MINDY4: variants seen among roughly 807,000 people sequenced by gnomAD.
The protein encoded by MINDY4 is MINDY lysine 48 deubiquitinase 4, also known as probable ubiquitin carboxyl-terminal hydrolase MINDY-4.
In MINDY4, 68 loss-of-function variants were observed where a neutral mutation model predicts 87.0. That is an observed-to-expected ratio of 0.78 (90% CI 0.64 to 0.96). MINDY4 has a LOEUF of 0.96. Among genes scored for constraint, MINDY4 ranks in the 40% least tolerant of loss-of-function variants. The pLI is 0.00. For synonymous variants in MINDY4, 379 were observed against 363.2 expected (o/e 1.04, Z -0.50); for missense variants, 919 against 928.2 (o/e 0.99, Z 0.13).
intron 5 of MINDY4, among the ~76,000 whole-genome samples, chr7:30,811,625 C>T (rs1238351625): frequency 3.3e-5 from 5 of 152,158 alleles, no homozygotes; most frequent in Non-Finnish European, 7.3e-5. Flanking sequence ...GCAGACAGCC[C>T]AGCGCCACAC....
rs775985216 is a variant in MINDY4, at chr7:30,872,323, G to T, written c.1809+17G>T. On this transcript the variant is annotated intron_variant, in intron 14 of 17. Transcript: ENST00000265299. ...TGTACACAGGTCAGGGGGCGCTGTG[G>T]GGCCCAGGTGGTCCTTCCCCCTCCT... The T allele has an allele frequency of 1.1e-5, 18 of 1,612,916 alleles. No homozygotes were observed. The highest frequency in any genetic ancestry group is 1.5e-5 in the Non-Finnish European group (18 of 1,179,160).
chr7:30,839,959 T>G (rs1788983598), intron 8 of MINDY4, among the ~76,000 whole-genome samples: 1 of 151,980 alleles, frequency 6.6e-6, no homozygotes, highest in Non-Finnish European at 1.5e-5. Context: ...CTTGGTCCGG[T>G]TCAGTTTCTT....
rs192526568 is a variant in MINDY4, at chr7:30,831,672, G to A, written c.1132+2935G>A. Among the ~76,000 whole-genome samples, 6 of 152,188 alleles carry A rather than the reference G, an allele frequency of 3.9e-5. No individual in the cohort carries two copies. The East Asian group carries it at 7.7e-4, about 20-fold the overall frequency. ...AGGGTTCTGAGTTTCTGGTGTTGGG[G>A]CACTTCCAGAAGATATCTTGTGGTC... On this transcript the variant is annotated intron_variant, in intron 6 of 17. Coordinates refer to ENST00000265299, the MANE Select transcript of MINDY4 (RefSeq NM_032222.3).
intron 9 of MINDY4, among the ~76,000 whole-genome samples, chr7:30,841,686 T>C (rs1318112829): frequency 6.6e-6 from 1 of 152,228 alleles, no homozygotes; most frequent in Admixed American, 6.5e-5. Context: ...AGTTATACTA[T>C]GTGTGTTCTG....
intron 5 of MINDY4, among the ~76,000 whole-genome samples, chr7:30,820,271 A>G (rs1048207151): frequency 6.6e-6 from 1 of 151,634 alleles, no homozygotes; most frequent in Non-Finnish European, 1.5e-5. Flanking sequence ...TTTTGCCTTT[A>G]GTATAATTGC....
intron 3 of MINDY4, among the ~76,000 whole-genome samples, chr7:30,783,386 C>A (rs945925841): frequency 6.6e-6 from 1 of 152,140 alleles, no homozygotes; most frequent in African/African-American, 2.4e-5. Flanking sequence ...CGAATTTAAT[C>A]ACATCTGCAA....
intron 9 of MINDY4, among the ~76,000 whole-genome samples, chr7:30,846,351 G>C (rs1461434736): frequency 6.6e-6 from 1 of 152,194 alleles, no homozygotes; most frequent in Non-Finnish European, 1.5e-5. Flanking sequence ...TGAAACACTT[G>C]GGTAATTTAG....
chr7:30,869,520 T>C (rs1790039470), intron 13 of MINDY4, among the ~76,000 whole-genome samples: 1 of 152,150 alleles, frequency 6.6e-6, no homozygotes, highest in African/African-American at 2.4e-5. Context: ...AGAGGGTTGG[T>C]ACCTTGTCAG....
chr7:30,828,705 A>G lies in MINDY4; in HGVS notation c.1100A>G (p.Lys367Arg). 2 of 1,613,800 alleles carry G rather than the reference A, an allele frequency of 1.2e-6. No homozygotes were observed. The highest frequency in any genetic ancestry group is 1.1e-5 in the South Asian group (1 of 91,066). Residue 367 changes from lysine to arginine, a missense_variant, in exon 6 of 18, where the codon AAG (lysine) becomes AGG (arginine). Physicochemically the swap from Lys to Arg is conservative, Grantham distance 26. Transcript: ENST00000265299. ...VRKNQLLPSD[K>R]VDGELGALRL... ...AAAAATCAGTTGCTGCCGTCTGACA[A>G]GGTGGATGGTGAGCTGGGTGCCCTG...
chr7:30,792,284 G>A (rs1787347667), intron 5 of MINDY4, among the ~76,000 whole-genome samples: 1 of 152,140 alleles, frequency 6.6e-6, no homozygotes, highest in Non-Finnish European at 1.5e-5. Context: ...CATTGGATTT[G>A]ACTTATTAAT....
chr7:30,791,608 A>G, intron 5 of MINDY4, 34 bp downstream of exon 5: 1 of 1,559,622 alleles, frequency 6.4e-7, no homozygotes, highest in Non-Finnish European at 8.7e-7. Context: ...CGGCTTTTCA[A>G]AAAGAAGCTC....
intron 2 of MINDY4, chr7:30,781,386 A>G (rs1787004414): frequency 6.6e-6 from 1 of 152,388 alleles, no homozygotes; most frequent in Non-Finnish European, 1.5e-5. Flanking sequence ...AAATACTGGT[A>G]TCGTTTAATT....
intron 7 of MINDY4, among the ~76,000 whole-genome samples, chr7:30,837,123 G>T (rs1321328077): frequency 6.6e-6 from 1 of 152,180 alleles, no homozygotes; most frequent in Admixed American, 6.5e-5. Context: ...GGTCTCCTAA[G>T]CCCTGGCCAG....
rs139539237 is a variant in MINDY4 at position 30,846,964 on chromosome 7, C to T, written c.1446-3490C>T. Reference sequence around the variant, plus strand: ...CGTCCGCTGCTCACCTCCTGCTGTGCGGCCTGGTTCCTAACAGGCCACAGA... The same window carrying T: ...CGTCCGCTGCTCACCTCCTGCTGTGTGGCCTGGTTCCTAACAGGCCACAGA... On this transcript the variant is annotated intron_variant, in intron 9 of 17. Transcript: ENST00000265299. Among the ~76,000 whole-genome samples, 897 of 152,156 alleles carry T rather than the reference C, an allele frequency of 5.9e-3. 8 individuals carry two copies. The highest frequency in any genetic ancestry group is 0.021 in the African/African-American group (871 of 41,514).
intron 1 of MINDY4, among the ~76,000 whole-genome samples, chr7:30,777,616 A>G (rs1163720530): frequency 1.3e-5 from 2 of 152,204 alleles, no homozygotes; most frequent in African/African-American, 4.8e-5. Context: ...AATTCTGAAC[A>G]CAAAGGCTCT....
At chr7:30,793,003 ATATTCG>A (rs1787370094) in intron 5 of MINDY4, among the ~76,000 whole-genome samples, 1 of 148,630 alleles carries the variant, frequency 6.7e-6, no homozygotes, top group South Asian at 2.1e-4. Flanking sequence ...AATACGTTAC[ATATTCG>A]TATAACTTAG....
intron 5 of MINDY4, among the ~76,000 whole-genome samples, chr7:30,805,885 C>A (rs1196988792): frequency 6.6e-6 from 1 of 152,136 alleles, no homozygotes; most frequent in Non-Finnish European, 1.5e-5. Flanking sequence ...TGTTTGTGAG[C>A]CATGTTTGCA....
intron 3 of MINDY4, among the ~76,000 whole-genome samples, chr7:30,783,954 T>C (rs1787077513): frequency 1.3e-5 from 2 of 152,122 alleles, no homozygotes; most frequent in South Asian, 4.1e-4. Flanking sequence ...ACAATGACAT[T>C]AAATTATGAC....
At chr7:30,882,104 C>G in intron 15 of MINDY4, 77 bp from the exon 16 acceptor site, 2 of 1,411,032 alleles carry the variant, frequency 1.4e-6, no homozygotes, top group Non-Finnish European at 1.9e-6. Context: ...GTCAGCCCTG[C>G]CTTGAGTCAG....
Sources: allele counts gnomAD v4.1 joint callset (sites outside exome capture counted in the v4.1 genomes callset), GRCh38; gene constraint gnomAD v4.1.1; transcripts MANE v1.5; gene names NCBI Gene and HGNC (gene_info 2026-07-23, HGNC 2026-07-21).